The following BSDC1 variants were observed in gnomAD, a reference collection of about 807,000 sequenced individuals.
The protein encoded by BSDC1 is BSD domain containing 1, also known as BSD domain-containing protein 1.
A neutral mutation model predicts 56.0 loss-of-function variants in BSDC1; 29 were observed. The observed-to-expected ratio is 0.52, with a 90% CI of 0.39 to 0.71. The LOEUF is 0.71. BSDC1 is among the 30% of genes least tolerant of loss of function. BSDC1 has a pLI of 0.00. For missense variants in BSDC1, 477 were observed against 548.5 expected (o/e 0.87, Z 1.30); for synonymous variants, 210 against 215.3 (o/e 0.98, Z 0.21).
chr1:32,368,032 CTTTTTTT>C (rs74259836), intron 10 of BSDC1: 5 of 1,025,766 alleles, frequency 4.9e-6, no homozygotes, highest in Non-Finnish European at 6.0e-6. Context: ...TTCTTTTTTC[CTTTTTTT>C]TTTTTTTTCA....
intron 9 of BSDC1, among the ~76,000 whole-genome samples, chr1:32,373,922 A>G (rs143548555): frequency 2.0e-4 from 30 of 152,312 alleles, no homozygotes; most frequent in South Asian, 8.3e-4. Flanking sequence ...GCAACTGAAT[A>G]TGGCTGAACA....
rs749478408 is a variant in BSDC1, at chr1:32,381,316, A to C, written c.358-48T>G. On this transcript the variant is annotated intron_variant, in intron 4 of 10. Coordinates refer to ENST00000455895, the MANE Select transcript of BSDC1 (RefSeq NM_018045.8). ...AAACAGAAATTCTGAGATACTGGGCATAGAAAGCACCCTTTCTCTGCCAGG... is the reference window on the plus strand; with the variant it reads ...AAACAGAAATTCTGAGATACTGGGCCTAGAAAGCACCCTTTCTCTGCCAGG... 4 of 1,571,494 alleles carry C rather than the reference A, an allele frequency of 2.5e-6. No homozygotes were observed. In the South Asian group the frequency reaches 4.5e-5, roughly 18 times the overall value.
chr1:32,389,055 T>C lies in BSDC1; in HGVS notation c.73-2160A>G, dbSNP rs571893337. Among the ~76,000 whole-genome samples, 170 of 151,542 alleles carry C rather than the reference T, an allele frequency of 1.1e-3. 1 individual carries two copies. The highest frequency in any genetic ancestry group is 1.6e-3 in the Non-Finnish European group (107 of 67,820). ...CTGCAACCTCTGCCTCCCGGGTTCA[T>C]GCCATTCTCCTGCCTCAGCCTCCCG... On this transcript the variant is annotated intron_variant, in intron 2 of 10. Coordinates refer to ENST00000455895, the MANE Select transcript of BSDC1 (RefSeq NM_018045.8).
chr1:32,368,105 C>T, intron 10 of BSDC1: 2 of 1,371,338 alleles, frequency 1.5e-6, no homozygotes, highest in South Asian at 3.4e-5. Flanking sequence ...CTCCTCGCCT[C>T]AAGCAATCCT....
At chr1:32,377,592 A>G (rs1168342266) in intron 8 of BSDC1, among the ~76,000 whole-genome samples, 1 of 152,178 alleles carries the variant, frequency 6.6e-6, no homozygotes, top group African/African-American at 2.4e-5. Flanking sequence ...TGGTTCCCAA[A>G]CCAGCCTGGG....
At chr1:32,382,226 CAA>C (rs577563299) in intron 4 of BSDC1, among the ~76,000 whole-genome samples, 7 of 60,162 alleles carry the variant, frequency 1.2e-4, no homozygotes, top group Admixed American at 1.9e-4. Flanking sequence ...GACTCCATCT[CAA>C]AAAAAAAAAA....
intron 9 of BSDC1, among the ~76,000 whole-genome samples, chr1:32,371,786 T>C (rs1642099938): frequency 6.6e-6 from 1 of 152,110 alleles, no homozygotes; most frequent in African/African-American, 2.4e-5. Context: ...TGCATCATCC[T>C]CTCTTCTAGC....
rs138894665 is a variant in BSDC1 at position 32,377,922 on chromosome 1, G to A, written c.676+48C>T. On this transcript the variant is annotated intron_variant, in intron 8 of 10. Coordinates refer to ENST00000455895, the MANE Select transcript of BSDC1 (RefSeq NM_018045.8). ...CAGAGAGCATGGCCCAGCCCAGAGC[G>A]TCCCGCACAGATGTGACACTTGCCC... The A allele has an allele frequency of 1.3e-3, 2,077 of 1,563,840 alleles. 5 individuals carry two copies. Among genetic ancestry groups the A allele is most frequent in the Middle Eastern group, 2.4e-3 (14 of 5,844 alleles).
rs1373639796 is a variant in BSDC1 at position 32,378,822 on chromosome 1, C to G, written c.430G>C (p.Asp144His). ...NEPDGPPELF[D>H]AWLSQFCLEE... ...AAGCAGAACTGGGAAAGCCAGGCGT[C>G]AAACAATTCCGGGGGCCCTGCAGAG... The change falls in exon 6 of 11, where the codon GAC becomes CAC. Residue 144 changes from aspartate (D) to histidine (H), a missense_variant. Transcript: ENST00000455895. The surrounding 1 kb of genome is among the most constrained non-coding windows in gnomAD (Gnocchi z 5.2). 6.5e-7 allele frequency: 1 copy of G among 1,528,120 alleles called. No individual in the cohort carries two copies. The highest frequency in any genetic ancestry group is 8.8e-7 in the Non-Finnish European group (1 of 1,136,182). The allele number at this position is 1,528,120 out of a possible 1,614,324, so 94.7% of individuals were successfully genotyped here. A position where few individuals can be genotyped will look rare whatever the true frequency, so the allele number is the denominator to read the frequency against.
At chr1:32,391,171 G>C (rs1332264363) in intron 2 of BSDC1, among the ~76,000 whole-genome samples, 1 of 152,112 alleles carries the variant, frequency 6.6e-6, no homozygotes, top group Non-Finnish European at 1.5e-5. Context: ...TTTCAAGAGA[G>C]GGAGTGATCA....
chr1:32,373,579 T>A (rs971793871), intron 9 of BSDC1, among the ~76,000 whole-genome samples: 3 of 152,174 alleles, frequency 2.0e-5, no homozygotes, highest in Non-Finnish European at 4.4e-5. Context: ...TGGAGGGCAG[T>A]GCAGCAATCT....
At chr1:32,381,092 C>T in intron 5 of BSDC1, 122 bp downstream of exon 5, 1 of 863,834 alleles carries the variant, frequency 1.2e-6, no homozygotes, top group Non-Finnish European at 1.9e-6. Flanking sequence ...ACACTAGTCT[C>T]ACTCTGGTCT....
intron 10 of BSDC1, chr1:32,367,673 G>A (rs772025888): frequency 1.4e-4 from 134 of 985,506 alleles, no homozygotes; most frequent in East Asian, 6.8e-4. Flanking sequence ...CAATCTAAAT[G>A]AGCCACTTTT....
At chr1:32,389,941 C>T (rs1249336054) in intron 2 of BSDC1, among the ~76,000 whole-genome samples, 3 of 149,756 alleles carry the variant, frequency 2.0e-5, no homozygotes, top group Admixed American at 6.6e-5. Flanking sequence ...CCACTGCACT[C>T]CAGTCTGGGT....
intron 10 of BSDC1, chr1:32,367,073 G>A (rs1641880753): frequency 3.0e-6 from 3 of 992,282 alleles, no homozygotes; most frequent in South Asian, 4.7e-5. Context: ...GTAATCAAGG[G>A]CAAGTTACTT....
rs751315201 is a variant in BSDC1 at position 32,376,420 on chromosome 1, T to A, written c.998A>T (p.His333Leu). Reference protein sequence around the residue: ...VGETGPSPPIHSKPLTPAGHT... With the variant: ...VGETGPSPPILSKPLTPAGHT... Reference sequence around the variant, plus strand: ...GCCAGCAGGCGTTAGGGGCTTGGAGTGAATAGGGGGTGAGGGTCCAGTCTC... The same window carrying A: ...GCCAGCAGGCGTTAGGGGCTTGGAGAGAATAGGGGGTGAGGGTCCAGTCTC... The change falls in exon 9 of 11, where the codon CAC (histidine) becomes CTC (leucine). Residue 333 changes from histidine (H) to leucine (L), a missense_variant. Physicochemically the swap from His to Leu is moderately conservative, Grantham distance 99. Coordinates refer to ENST00000455895, the MANE Select transcript of BSDC1 (RefSeq NM_018045.8). The A allele has an allele frequency of 2.5e-6, 4 of 1,612,822 alleles. No homozygotes were observed. In the African/African-American group the frequency reaches 4.0e-5, roughly 16 times the overall value.
At chr1:32,367,060 A>C (rs912004671) in intron 10 of BSDC1, 1 of 995,892 alleles carries the variant, frequency 1.0e-6, no homozygotes, top group Non-Finnish European at 1.2e-6. Context: ...ACAAAAGACC[A>C]GTGTAATCAA....
intron 3 of BSDC1, chr1:32,386,476 C>A: frequency 3.4e-6 from 1 of 293,922 alleles, no homozygotes. Context: ...TTCTCTCTCT[C>A]TCTTCCTTTT....
intron 10 of BSDC1, 22 bp from the exon 11 acceptor site, chr1:32,366,676 G>A: frequency 6.8e-7 from 1 of 1,459,892 alleles, no homozygotes. Flanking sequence ...AGGGGGTAAT[G>A]GAAATCACAA....
Sources: allele counts gnomAD v4.1 joint callset (sites outside exome capture counted in the v4.1 genomes callset), GRCh38; gene constraint gnomAD v4.1.1; non-coding constraint Gnocchi (gnomAD v3.1); transcripts MANE v1.5; gene names NCBI Gene and HGNC (gene_info 2026-07-23, HGNC 2026-07-21).